SAXO1: variants seen among roughly 807,000 people sequenced by gnomAD.
SAXO1 encodes the protein 4930500O09Rik.
In SAXO1, 21 loss-of-function variants were observed where a neutral mutation model predicts 17.5. The observed-to-expected ratio is 1.20, with a 90% CI of 0.85 to 1.72. The LOEUF (loss-of-function observed/expected upper bound fraction) is 1.72. SAXO1 is among the 40% of genes most tolerant of loss of function. The probability of loss-of-function intolerance (pLI) is 0.00; values close to 1 mark genes in which losing one functional copy is unlikely to be tolerated. For missense variants in SAXO1, 843 were observed against 596.0 expected, an observed-to-expected ratio of 1.41 and a Z score of -4.32; for synonymous variants, 274 against 216.5, an observed-to-expected ratio of 1.27 and a Z score of -2.33.
chr9:19,048,288 C>T lies in SAXO1; in HGVS notation c.-158+921G>A, dbSNP rs539902446. On this transcript the variant is annotated intron_variant, in intron 1 of 3. Transcript: ENST00000542071. ...CCTGGCCAACATAGTGAAACCCCGT[C>T]TCCACTAAAAATACAAAAATTAGCC... Among the ~76,000 whole-genome samples, 6 of 152,278 alleles carry T rather than the reference C, an allele frequency of 3.9e-5. No individual in the cohort carries two copies. The South Asian group carries it at 1.0e-3, about 26-fold the overall frequency.
At chr9:18,939,168 G>A (rs1054171372) in intron 3 of SAXO1, among the ~76,000 whole-genome samples, 11 of 152,128 alleles carry the variant, frequency 7.2e-5, no homozygotes, top group Admixed American at 2.6e-4. Flanking sequence ...TCCACCCATC[G>A]TGGAAAGCGC....
intron 1 of SAXO1, among the ~76,000 whole-genome samples, chr9:19,046,496 G>A (rs569769368): frequency 6.6e-6 from 1 of 152,052 alleles, no homozygotes. Context: ...GGCAGTTCGA[G>A]ACCAGCCTGA....
intron 1 of SAXO1, among the ~76,000 whole-genome samples, chr9:19,019,077 C>A (rs1226387521): frequency 6.6e-6 from 1 of 151,862 alleles, no homozygotes; most frequent in Non-Finnish European, 1.5e-5. Context: ...CCATTGCACT[C>A]CAGCCTGGGC....
intron 1 of SAXO1, among the ~76,000 whole-genome samples, chr9:18,978,736 T>G (rs574130062): frequency 5.9e-5 from 9 of 152,318 alleles, no homozygotes; most frequent in East Asian, 5.8e-4. Context: ...GCAAAATAAC[T>G]TAGGAAGATA....
chr9:19,021,599 G>C (rs946121843), intron 1 of SAXO1, among the ~76,000 whole-genome samples: 3 of 152,194 alleles, frequency 2.0e-5, no homozygotes, highest in African/African-American at 7.2e-5. Context: ...ACAGTCTAGA[G>C]ATATTCAAGG....
intron 1 of SAXO1, among the ~76,000 whole-genome samples, chr9:18,968,483 T>A (rs1195411045): frequency 6.6e-6 from 1 of 152,238 alleles, no homozygotes; most frequent in Non-Finnish European, 1.5e-5. Flanking sequence ...CACTTGAAGT[T>A]TTTCAAAATA....
chr9:18,981,990 G>C (rs1286205685), intron 1 of SAXO1, among the ~76,000 whole-genome samples: 1 of 152,172 alleles, frequency 6.6e-6, no homozygotes, highest in Non-Finnish European at 1.5e-5. Flanking sequence ...TCCCAGCACA[G>C]GCTCCTTGCT....
chr9:18,941,103 T>C (rs1588413452), intron 3 of SAXO1, among the ~76,000 whole-genome samples: 1 of 152,176 alleles, frequency 6.6e-6, no homozygotes, highest in Non-Finnish European at 1.5e-5. Flanking sequence ...TTTTGATATA[T>C]TTTTTAAACA....
At chr9:18,933,811 C>G (rs561135449) in intron 3 of SAXO1, among the ~76,000 whole-genome samples, 9 of 152,278 alleles carry the variant, frequency 5.9e-5, no homozygotes, top group Non-Finnish European at 1.3e-4. Flanking sequence ...CTTTGGGAGG[C>G]CAAGGTGGGC....
At chr9:18,935,177 G>T (rs574622506) in intron 3 of SAXO1, among the ~76,000 whole-genome samples, 1 of 152,156 alleles carries the variant, frequency 6.6e-6, no homozygotes, top group Non-Finnish European at 1.5e-5. Flanking sequence ...GCCTCGCAAA[G>T]TGCTAGGATT....
intron 1 of SAXO1, chr9:19,028,187 T>C: frequency 1.6e-6 from 2 of 1,249,058 alleles, no homozygotes; most frequent in South Asian, 1.3e-5. Context: ...TAAAAGATGG[T>C]TTAGAGGCAA....
At chr9:18,936,636 A>G (rs1469208670) in intron 3 of SAXO1, among the ~76,000 whole-genome samples, 1 of 152,108 alleles carries the variant, frequency 6.6e-6, no homozygotes, top group Non-Finnish European at 1.5e-5. Flanking sequence ...ACCCTGAAAA[A>G]CCTCAGAATT....
At chr9:18,986,237 T>C (rs921067528) in intron 1 of SAXO1, among the ~76,000 whole-genome samples, 1 of 151,976 alleles carries the variant, frequency 6.6e-6, no homozygotes, top group Admixed American at 6.5e-5. Context: ...TAACAAATAA[T>C]GGCATGGCCT....
chr9:18,928,029 T>G lies in SAXO1; in HGVS notation c.*23A>C. 6 of 1,535,498 alleles carry G rather than the reference T, an allele frequency of 3.9e-6. No homozygotes were observed. Among genetic ancestry groups the G allele is most frequent in the Non-Finnish European group, 5.3e-6 (6 of 1,138,534 alleles). On this transcript the variant is annotated 3_prime_UTR_variant, in exon 4 of 4. Transcript: ENST00000380534. ...TCTGCTTTTAAAAGTACTGTGTAAT[T>G]TCTAAATTACTATTTTTCAAAATCA...
At chr9:19,004,200 G>T (rs1278511500) in intron 1 of SAXO1, among the ~76,000 whole-genome samples, 2 of 152,208 alleles carry the variant, frequency 1.3e-5, no homozygotes, top group Non-Finnish European at 2.9e-5. Context: ...TCTCATGTCA[G>T]TTAGAATGGT....
intron 1 of SAXO1, among the ~76,000 whole-genome samples, chr9:19,008,825 C>A (rs883440): frequency 0.047 from 7,082 of 152,154 alleles, 172 homozygotes; most frequent in Middle Eastern, 0.075. Flanking sequence ...AAGGGCAGGT[C>A]CAGGAGCAAC....
chr9:18,963,114 T>C (rs973574860), intron 1 of SAXO1, among the ~76,000 whole-genome samples: 3 of 152,206 alleles, frequency 2.0e-5, no homozygotes, highest in African/African-American at 2.4e-5. Flanking sequence ...GTTGTAGATA[T>C]GTGGTGTTAT....
At chr9:18,989,964 T>G (rs1257436689) in intron 1 of SAXO1, among the ~76,000 whole-genome samples, 4 of 151,880 alleles carry the variant, frequency 2.6e-5, no homozygotes, top group African/African-American at 4.8e-5. Flanking sequence ...ACAAAAGGAG[T>G]TTCTTTACCT....
intron 1 of SAXO1, among the ~76,000 whole-genome samples, chr9:19,032,362 G>T (rs140702219): frequency 5.0e-4 from 76 of 152,330 alleles, no homozygotes; most frequent in African/African-American, 1.6e-3. Context: ...GACCTGGCAG[G>T]CCAGGCGACT....
Sources: allele counts gnomAD v4.1 joint callset (sites outside exome capture counted in the v4.1 genomes callset), GRCh38; gene constraint gnomAD v4.1.1; transcripts MANE v1.5; gene names NCBI Gene and HGNC (gene_info 2026-07-23, HGNC 2026-07-21).